Variants in ARL15 observed in about 807,000 individuals in gnomAD.
ARL15 encodes ARF like GTPase 15.
In ARL15, 19 loss-of-function variants were observed where a neutral mutation model predicts 25.2. The observed-to-expected ratio is 0.75, with a 90% CI of 0.53 to 1.10. The LOEUF is 1.10. Among genes scored for constraint, ARL15 ranks in the 50% least tolerant of loss-of-function variants. The probability of loss-of-function intolerance (pLI) is 0.00; values close to 1 mark genes in which losing one functional copy is unlikely to be tolerated. For synonymous variants in ARL15, 94 were observed against 86.8 expected (o/e 1.08, Z -0.46); for missense variants, 220 against 246.0 (o/e 0.89, Z 0.71).
intron 3 of ARL15, among the ~76,000 whole-genome samples, chr5:54,143,912 T>A (rs1012189028): frequency 2.0e-5 from 3 of 152,050 alleles, no homozygotes; most frequent in Non-Finnish European, 4.4e-5. Flanking sequence ...TATTCTTAAT[T>A]GCCTTTAAGA....
rs1751871312 is a variant in ARL15 at position 54,083,592 on chromosome 5, T to A, written c.462+29610A>T. Among the ~76,000 whole-genome samples the A allele has an allele frequency of 2.6e-5, 4 of 152,272 alleles. No individual in the cohort carries two copies. The South Asian group carries it at 8.3e-4, about 32-fold the overall frequency. ...ATTAACTAAAATCAAAGAGAAAATGTCATTTTCTCCTCATTTAGGTTCTTT... is the reference window on the plus strand; with the variant it reads ...ATTAACTAAAATCAAAGAGAAAATGACATTTTCTCCTCATTTAGGTTCTTT... On this transcript the variant is annotated intron_variant, in intron 4 of 4. Coordinates refer to ENST00000504924, the MANE Select transcript of ARL15 (RefSeq NM_019087.3).
chr5:54,101,233 A>G (rs1752428555), intron 4 of ARL15, among the ~76,000 whole-genome samples: 1 of 152,154 alleles, frequency 6.6e-6, no homozygotes, highest in African/African-American at 2.4e-5. Context: ...AAAATATGAT[A>G]CAACTTTAAA....
intron 4 of ARL15, among the ~76,000 whole-genome samples, chr5:53,982,915 T>A (rs1748172056): frequency 6.6e-6 from 1 of 152,244 alleles, no homozygotes; most frequent in Non-Finnish European, 1.5e-5. Flanking sequence ...GTGGTTTTGA[T>A]TTGCATTTCT....
intron 3 of ARL15, among the ~76,000 whole-genome samples, chr5:54,143,773 G>GT (rs1753832723): frequency 6.6e-6 from 1 of 151,768 alleles, no homozygotes; most frequent in Non-Finnish European, 1.5e-5. Flanking sequence ...AGCAAAATTT[G>GT]TATTTGATCC....
intron 4 of ARL15, among the ~76,000 whole-genome samples, chr5:53,948,004 A>C (rs1746807027): frequency 6.6e-6 from 1 of 152,196 alleles, no homozygotes; most frequent in Non-Finnish European, 1.5e-5. Context: ...CCAGTGGAAA[A>C]AAATGAGATA....
intron 4 of ARL15, among the ~76,000 whole-genome samples, chr5:53,998,680 G>A (rs973936675): frequency 2.6e-5 from 4 of 152,224 alleles, no homozygotes; most frequent in East Asian, 1.9e-4. Context: ...GGAGGTGGGA[G>A]AGAAGCCGTT....
intron 1 of ARL15, among the ~76,000 whole-genome samples, chr5:54,258,111 G>A (rs1182099013): frequency 6.6e-6 from 1 of 150,680 alleles, no homozygotes; most frequent in African/African-American, 2.5e-5. Flanking sequence ...CAGGAGGATC[G>A]CTTGAGTCCA....
At position 54,021,657 on chromosome 5, in the gene ARL15, G is replaced by T. The variant is rs143230857; in HGVS notation, c.462+91545C>A. Among the ~76,000 whole-genome samples, 7 of 152,250 alleles carry T rather than the reference G, an allele frequency of 4.6e-5. No individual in the cohort carries two copies. The East Asian group carries it at 9.7e-4, about 21-fold the overall frequency. On this transcript the variant is annotated intron_variant, in intron 4 of 4. Transcript: ENST00000504924. ...GGGACCATAATCGAAGATTTCCTTT[G>T]TGTCACTGAAGTTTCAGAGGGAAAA...
chr5:53,980,499 CA>C (rs1187795305), intron 4 of ARL15, among the ~76,000 whole-genome samples: 1 of 152,188 alleles, frequency 6.6e-6, no homozygotes, highest in Non-Finnish European at 1.5e-5. Context: ...AGAATACAAA[CA>C]CAGTTTTTTC....
chr5:53,941,961 G>A (rs1419091836), intron 4 of ARL15, among the ~76,000 whole-genome samples: 2 of 152,190 alleles, frequency 1.3e-5, no homozygotes, highest in African/African-American at 4.8e-5. Context: ...GGGAAGGGAA[G>A]TGGCACAGTC....
At chr5:54,177,224 A>G (rs535305271) in intron 1 of ARL15, among the ~76,000 whole-genome samples, 1 of 152,322 alleles carries the variant, frequency 6.6e-6, no homozygotes, top group Non-Finnish European at 1.5e-5. Flanking sequence ...GTGTACCCAC[A>G]AACTTCTAGT....
intron 1 of ARL15, among the ~76,000 whole-genome samples, chr5:54,237,489 A>T (rs1756840610): frequency 6.6e-6 from 1 of 152,240 alleles, no homozygotes; most frequent in African/African-American, 2.4e-5. Context: ...GCATGATCAG[A>T]CAGGTAGATC....
intron 4 of ARL15, among the ~76,000 whole-genome samples, chr5:54,058,204 C>T (rs1052177010): frequency 1.3e-5 from 2 of 151,910 alleles, no homozygotes; most frequent in African/African-American, 4.8e-5. Context: ...TGGGGTTTCA[C>T]CATGTTGCCC....
At chr5:54,267,825 G>A (rs1380084712) in intron 1 of ARL15, among the ~76,000 whole-genome samples, 1 of 152,064 alleles carries the variant, frequency 6.6e-6, no homozygotes, top group African/African-American at 2.4e-5. Context: ...TAGAGTTTCT[G>A]CCGAGAGATC....
chr5:53,952,089 C>G (rs1209591814), intron 4 of ARL15, among the ~76,000 whole-genome samples: 1 of 151,518 alleles, frequency 6.6e-6, no homozygotes, highest in East Asian at 1.9e-4. Context: ...ATGGTGAAAC[C>G]CTGTCTCTAC....
At chr5:53,929,754 T>TATTAAACACTAATGAGAA (rs1561153982) in intron 4 of ARL15, among the ~76,000 whole-genome samples, 2 of 152,244 alleles carry the variant, frequency 1.3e-5, no homozygotes, top group African/African-American at 4.8e-5. Context: ...CAGAGGCGGA[T>TATTAAACACTAATGAGAA]GCACCTGCTA....
In ARL15 at chr5:54,115,258, T is replaced by C. The variant is rs193034668; in HGVS notation, c.254-1848A>G. On this transcript the variant is annotated intron_variant, in intron 3 of 4. Transcript: ENST00000504924. ...CAAGAAAGTGCTGTCATAGAGATAC[T>C]CATTAGGTCCTCTGGGATCAAGAGA... 1.7e-3 allele frequency among the ~76,000 whole-genome samples: 258 copies of C among 152,004 alleles called. 2 individuals carry two copies. Among genetic ancestry groups the C allele is most frequent in the Admixed American group, 8.1e-3 (124 of 15,284 alleles).
At chr5:53,911,021 G>A (rs978597342) in intron 4 of ARL15, among the ~76,000 whole-genome samples, 2 of 152,152 alleles carry the variant, frequency 1.3e-5, no homozygotes, top group African/African-American at 4.8e-5. Flanking sequence ...TCCATCTGGA[G>A]TTGAACAATA....
intron 4 of ARL15, among the ~76,000 whole-genome samples, chr5:54,098,843 G>T (rs1457497981): frequency 6.6e-6 from 1 of 152,108 alleles, no homozygotes; most frequent in South Asian, 2.1e-4. Flanking sequence ...CAGTTTTAAG[G>T]AGGACTCCTA....
Sources: gnomAD v4.1 joint callset for allele counts (sites outside exome capture counted in the v4.1 genomes callset) on GRCh38, gnomAD v4.1.1 for gene constraint, MANE v1.5 for transcripts, NCBI Gene and HGNC (gene_info 2026-07-23, HGNC 2026-07-21) for gene names.